The following NFATC4 variants were observed in gnomAD, a reference collection of about 807,000 sequenced individuals.
The protein encoded by NFATC4 is nuclear factor of activated T-cells, cytoplasmic 4.
NFATC4 carries 25 observed loss-of-function variants against 73.4 expected under a neutral mutation model. That is an observed-to-expected ratio of 0.34 (90% confidence interval 0.25 to 0.48). NFATC4 has a LOEUF of 0.48. NFATC4 is among the 20% of genes least tolerant of loss of function. The pLI is 0.99. For synonymous variants in NFATC4, 523 were observed against 510.3 expected, an observed-to-expected ratio of 1.02 and a Z score of -0.34; for missense variants, 1,130 against 1,203.7, an observed-to-expected ratio of 0.94 and a Z score of 0.91.
chr14:24,367,652 A>G (rs958933524), upstream of NFATC4: 5 of 1,535,940 alleles, frequency 3.3e-6, no homozygotes, highest in Non-Finnish European at 2.6e-6. Context: ...GAGTAGCCCC[A>G]GGCAAGGGAG....
rs2042666135 is a variant in NFATC4 at position 24,377,728 on chromosome 14, G to T, written c.*23G>T. ...TGAACCACGTGAACTGTCATCACCTGGCAACCCCAGCCCCAGCCTCAGCCC... is the reference window on the plus strand; with the variant it reads ...TGAACCACGTGAACTGTCATCACCTTGCAACCCCAGCCCCAGCCTCAGCCC... On this transcript the variant is annotated 3_prime_UTR_variant, in exon 10 of 10. Transcript: ENST00000250373. This position sits in a 1 kb window ranked among gnomAD's most constrained non-coding sequence, Gnocchi z 4.2. 6.2e-7 allele frequency: 1 copy of T among 1,614,142 alleles called. No homozygotes were observed. The highest frequency in any genetic ancestry group is 1.3e-5 in the African/African-American group (1 of 75,034).
intron 2 of NFATC4, 101 bp downstream of exon 2, chr14:24,370,695 A>C: frequency 6.9e-7 from 1 of 1,459,768 alleles, no homozygotes. Flanking sequence ...ATGCCCTCTG[A>C]ATTTCAAAAG....
intron 6 of NFATC4, chr14:24,374,790 G>T (rs893196011): frequency 5.2e-6 from 1 of 192,512 alleles, no homozygotes; most frequent in African/African-American, 2.3e-5. Context: ...CCTCACAGCT[G>T]CCCGCTGGGC....
At chr14:24,366,958 T>TG, upstream of NFATC4, 2 of 1,559,844 alleles carry the variant, frequency 1.3e-6, no homozygotes, top group Non-Finnish European at 1.7e-6. Context: ...GTTGCTGGGA[T>TG]GGGGCGGCGT....
Position 24,369,986 on chromosome 14 carries a change from C to A in NFATC4, c.588C>A (p.Asp196Glu), listed in dbSNP as rs1244851222. ...SDEAALYAACDEVESELNEAA... is the reference protein window; with the variant it reads ...SDEAALYAACEEVESELNEAA... ...AGGCAGCCCTGTATGCAGCCTGCGA[C>A]GAGGTGGAGTCTGAGCTAAATGAGG... Residue 196 changes from aspartate to glutamate, a missense_variant, in exon 2 of 10, where the codon GAC (aspartate) becomes GAA (glutamate). Around this residue, in one of 3 missense-constraint regions of NFATC4, gnomAD observed 585 missense variants for 574.3 expected, o/e 1.02. Coordinates refer to ENST00000250373, the MANE Select transcript of NFATC4 (RefSeq NM_004554.5). 6.2e-7 allele frequency: 1 copy of A among 1,612,912 alleles called. No individual in the cohort carries two copies.
intron 7 of NFATC4, 42 bp downstream of exon 7, chr14:24,375,757 G>T: frequency 8.8e-6 from 5 of 566,434 alleles, no homozygotes; most frequent in South Asian, 6.0e-5. Flanking sequence ...GCGGGGGTGG[G>T]AGAAGGCAGG....
chr14:24,377,440 G>C lies in NFATC4; in HGVS notation c.2642-198G>C, dbSNP rs764940654. ...ACGGGTGCCTGGGAGCCCACATGGA[G>C]GGAGTTGGGCAAGATTTGATTCGGA... On this transcript the variant is annotated intron_variant, in intron 9 of 9. Transcript: ENST00000250373. This position sits in a 1 kb window ranked among gnomAD's most constrained non-coding sequence, Gnocchi z 4.2. 1 of 1,425,534 alleles carries C rather than the reference G, an allele frequency of 7.0e-7. No individual in the cohort carries two copies. Among genetic ancestry groups the C allele is most frequent in the Non-Finnish European group, 9.1e-7 (1 of 1,093,402 alleles). The allele number at this position is 1,425,534 out of a possible 1,614,324, so 88.3% of individuals were successfully genotyped here.
chr14:24,373,065 T>A lies in NFATC4; in HGVS notation c.1360-106T>A, dbSNP rs949853821. 1.7e-6 allele frequency: 2 copies of A among 1,159,496 alleles called. No individual in the cohort carries two copies. The highest frequency in any genetic ancestry group is 2.5e-6 in the Non-Finnish European group (2 of 814,558). 71.8% of individuals were successfully genotyped at this position (1,159,496 alleles called of 1,614,324 possible). A position where few individuals can be genotyped will look rare whatever the true frequency, so the allele number is the denominator to read the frequency against. ...CAAGGGATTCCCTTGCAGGATATCC[T>A]TTATCTTTCACCATTCCCATCCCAT... is the stretch of plus-strand genomic sequence containing the variant. On this transcript the variant is annotated intron_variant, in intron 3 of 9. Transcript: ENST00000250373. This position sits in a 1 kb window ranked among gnomAD's most constrained non-coding sequence, Gnocchi z 4.7.
chr14:24,372,282 T>C, intron 2 of NFATC4, 159 bp from the exon 3 acceptor site: 2 of 763,378 alleles, frequency 2.6e-6, no homozygotes, highest in South Asian at 2.2e-5. Flanking sequence ...TTAAAAAAAA[T>C]TCTTTTTTCC....
In NFATC4 at chr14:24,375,978, A is replaced by G. The variant is rs2042602276; in HGVS notation, c.1933A>G (p.Thr645Ala). ...TVNRLQSNEV[T>A]LTLTVPEYSN... The stretch of plus-strand genomic sequence containing the variant: ...CCTCATTTTTACTCTTCCCTAGGTG[A>G]CGCTGACCCTGACTGTCCCCGAGTA... The change falls in exon 8 of 10, where the codon ACG becomes GCG. Residue 645 changes from threonine (T) to alanine (A), a missense_variant. Around this residue, in one of 3 missense-constraint regions of NFATC4, gnomAD observed 390 missense variants for 408.1 expected, o/e 0.96. Transcript: ENST00000250373. 6.2e-7 allele frequency: 1 copy of G among 1,613,834 alleles called. No homozygotes were observed. The highest frequency in any genetic ancestry group is 1.1e-5 in the South Asian group (1 of 91,086).
rs1447279669 is a variant in NFATC4, at chr14:24,374,119, T to C, written c.1733-207T>C. ...CCCTTGTTTGGGAAACTCCCTGGTC[T>C]ACCCTGTTTAACCCTCTCTCTGCTC... On this transcript the variant is annotated intron_variant, in intron 5 of 9. Coordinates refer to ENST00000250373, the MANE Select transcript of NFATC4 (RefSeq NM_004554.5). The C allele has an allele frequency of 1.7e-5, 15 of 884,122 alleles. No homozygotes were observed. In the East Asian group the frequency reaches 3.7e-4, roughly 22 times the overall value. The allele number at this position is 884,122 out of a possible 1,614,324, so 54.8% of individuals were successfully genotyped here.
chr14:24,377,827 TTCTG>T lies in NFATC4; in HGVS notation c.*130_*133del, dbSNP rs1357556672. The T allele has an allele frequency of 2.6e-6, 4 of 1,547,686 alleles. No homozygotes were observed. The highest frequency in any genetic ancestry group is 2.4e-5 in the South Asian group (2 of 83,780). ...CAACCCTGGCTCCTCTTTCCCCAGC[TTCTG>T]TCTGTCTCACTGTCTTCCCTCCCCT... On this transcript the variant is annotated 3_prime_UTR_variant, in exon 10 of 10. Coordinates refer to ENST00000250373, the MANE Select transcript of NFATC4 (RefSeq NM_004554.5). The surrounding 1 kb of genome is among the most constrained non-coding windows in gnomAD (Gnocchi z 4.2).
Position 24,373,998 on chromosome 14 carries a change from A to T in NFATC4, c.1732+131A>T. 7.5e-7 allele frequency: 1 copy of T among 1,327,702 alleles called. No individual in the cohort carries two copies. Among genetic ancestry groups the T allele is most frequent in the Non-Finnish European group, 1.1e-6 (1 of 944,976 alleles). The allele number at this position is 1,327,702 out of a possible 1,614,324, so 82.2% of individuals were successfully genotyped here. A position where few individuals can be genotyped will look rare whatever the true frequency, so the allele number is the denominator to read the frequency against. ...TCCTGGGTAGCTCTATAGAGGACTCAGCTTCTTTCTATTCTAGTTTGCCCC... is the reference window on the plus strand; with the variant it reads ...TCCTGGGTAGCTCTATAGAGGACTCTGCTTCTTTCTATTCTAGTTTGCCCC... On this transcript the variant is annotated intron_variant, in intron 5 of 9. Coordinates refer to ENST00000250373, the MANE Select transcript of NFATC4 (RefSeq NM_004554.5). The surrounding 1 kb of genome is among the most constrained non-coding windows in gnomAD (Gnocchi z 4.7).
At position 24,368,218 on chromosome 14, in the gene NFATC4, C is replaced by T; in HGVS notation, c.-123C>T. 3 of 1,298,562 alleles carry T rather than the reference C, an allele frequency of 2.3e-6. No individual in the cohort carries two copies. The highest frequency in any genetic ancestry group is 2.0e-6 in the Non-Finnish European group (2 of 1,019,878). 80.4% of individuals were successfully genotyped at this position (1,298,562 alleles called of 1,614,324 possible). ...CGAGGGGGCTTCTGGAGGGAGGCGGCAGCGACGGAGGAGGGGGCTTCTCAG... is the reference window on the plus strand; with the variant it reads ...CGAGGGGGCTTCTGGAGGGAGGCGGTAGCGACGGAGGAGGGGGCTTCTCAG... On this transcript the variant is annotated 5_prime_UTR_variant, in exon 1 of 10. Transcript: ENST00000250373.
In NFATC4 at chr14:24,376,243, G is replaced by C; in HGVS notation, c.2057-51G>C. The C allele has an allele frequency of 1.2e-5, 18 of 1,561,108 alleles. No homozygotes were observed. Among genetic ancestry groups the C allele is most frequent in the Non-Finnish European group, 1.4e-5 (16 of 1,152,282 alleles). On this transcript the variant is annotated intron_variant, in intron 8 of 9. Coordinates refer to ENST00000250373, the MANE Select transcript of NFATC4 (RefSeq NM_004554.5). The surrounding 1 kb of genome is among the most constrained non-coding windows in gnomAD (Gnocchi z 5.0). ...AGGCAGCTGGAAGGTGTGCAGTGGGGAGACTACCAGACCTCTCACCAGCAT... is the reference window on the plus strand; with the variant it reads ...AGGCAGCTGGAAGGTGTGCAGTGGGCAGACTACCAGACCTCTCACCAGCAT...
intron 1 of NFATC4, chr14:24,369,175 A>G: frequency 6.7e-7 from 1 of 1,503,728 alleles, no homozygotes; most frequent in Non-Finnish European, 8.8e-7. Context: ...CCCCCAGTCC[A>G]GCCCAGTGCC....
rs1181058776 is a variant in NFATC4 at position 24,368,185 on chromosome 14, T to C, written c.-156T>C. ...GGGGAAAAAAGTTTGGAAAAGTTTCTATAATAACGAGGGGGCTTCTGGAGG... is the reference window on the plus strand; with the variant it reads ...GGGGAAAAAAGTTTGGAAAAGTTTCCATAATAACGAGGGGGCTTCTGGAGG... On this transcript the variant is annotated 5_prime_UTR_variant, in exon 1 of 10. Transcript: ENST00000250373. 1.6e-6 allele frequency: 2 copies of C among 1,260,418 alleles called. No homozygotes were observed. Among genetic ancestry groups the C allele is most frequent in the Non-Finnish European group, 2.0e-6 (2 of 998,804 alleles). 78.1% of individuals were successfully genotyped at this position (1,260,418 alleles called of 1,614,324 possible).
At chr14:24,374,870 G>A (rs543090526) in intron 6 of NFATC4, among the ~76,000 whole-genome samples, 8 of 152,276 alleles carry the variant, frequency 5.3e-5, no homozygotes, top group African/African-American at 1.9e-4. Context: ...CAGGAGTGGA[G>A]GAAGGGAAGA....
At position 24,376,088 on chromosome 14, in the gene NFATC4, C is replaced by G. The variant is rs776402310; in HGVS notation, c.2043C>G (p.Phe681Leu). The G allele has an allele frequency of 6.2e-7, 1 of 1,614,018 alleles. No individual in the cohort carries two copies. Among genetic ancestry groups the G allele is most frequent in the South Asian group, 1.1e-5 (1 of 91,080 alleles). ...GGAAACGCAGTCCTACCCAGAGTTT[C>G]AGGTTTCTGCCTGGTGCGCTCTGGG... Reference protein sequence around the residue: ...GRRKRSPTQSFRFLPVICKEE... With the variant: ...GRRKRSPTQSLRFLPVICKEE... Residue 681 changes from phenylalanine to leucine, a missense_variant, in exon 8 of 10, where the codon TTC (phenylalanine) becomes TTG (leucine). Around this residue, in one of 3 missense-constraint regions of NFATC4, gnomAD observed 390 missense variants for 408.1 expected, o/e 0.96. Transcript: ENST00000250373. The surrounding 1 kb of genome is among the most constrained non-coding windows in gnomAD (Gnocchi z 5.0).
Sources: allele counts gnomAD v4.1 joint callset (sites outside exome capture counted in the v4.1 genomes callset), GRCh38; gene constraint gnomAD v4.1.1; regional missense constraint gnomAD v4.1.1; non-coding constraint Gnocchi (gnomAD v3.1); transcripts MANE v1.5; gene names NCBI Gene and HGNC (gene_info 2026-07-23, HGNC 2026-07-21).